The following SGCD variants were observed in gnomAD, a reference collection of about 807,000 sequenced individuals.
SGCD encodes delta-sarcoglycan.
In SGCD, 18 loss-of-function variants were observed where a neutral mutation model predicts 36.6. That is an observed-to-expected ratio of 0.49 (90% CI 0.34 to 0.73). The LOEUF (loss-of-function observed/expected upper bound fraction) is 0.73. Ranked by LOEUF, SGCD falls within the 30% of genes least tolerant of loss-of-function variation. The pLI is 0.01. For missense variants in SGCD, 387 were observed against 346.7 expected (o/e 1.12, Z -0.92); for synonymous variants, 133 against 130.6 (o/e 1.02, Z -0.12).
rs576678258 is a variant in SGCD at position 156,102,150 on chromosome 5, A to AT, written c.-281-15718dup. Among the ~76,000 whole-genome samples, 1,141 of 150,056 alleles carry AT rather than the reference A, an allele frequency of 7.6e-3. 8 individuals are homozygous for AT. Among genetic ancestry groups the AT allele is most frequent in the African/African-American group, 0.025 (1,014 of 41,018 alleles). ...ACAGAAATAAGAATGTTTCTGATTG[A>AT]TTTTTTTTTTATTTTTGTGGCCAGA... On this transcript the variant is annotated intron_variant, in intron 1 of 9. Transcript: ENST00000517913.
At chr5:155,954,482 G>A (rs1482630838) in intron 1 of SGCD, among the ~76,000 whole-genome samples, 1 of 151,284 alleles carries the variant, frequency 6.6e-6, no homozygotes, top group African/African-American at 2.4e-5. Context: ...TTAGCGATCT[G>A]GGCATGGGGT....
At chr5:156,588,345 T>G (rs1013203806) in intron 4 of SGCD, among the ~76,000 whole-genome samples, 1 of 152,062 alleles carries the variant, frequency 6.6e-6, no homozygotes, top group African/African-American at 2.4e-5. Context: ...AAATTAAAAT[T>G]TTATGAAATT....
chr5:156,587,619 A>G lies in SGCD; in HGVS notation c.295-1612A>G, dbSNP rs958123062. On this transcript the variant is annotated intron_variant, in intron 4 of 8. Coordinates refer to ENST00000337851, the MANE Select transcript of SGCD (RefSeq NM_000337.6). ...GTGACTGGACTGGGCTGGCCAATCC[A>G]GTCTGCATCCCCACCAGTTTTAGAA... is the stretch of plus-strand genomic sequence containing the variant. Among the ~76,000 whole-genome samples the G allele has an allele frequency of 3.3e-5, 5 of 152,300 alleles. No individual in the cohort carries two copies. In the East Asian group the frequency reaches 9.7e-4, roughly 29 times the overall value.
At chr5:156,677,722 A>G (rs1013903662) in intron 7 of SGCD, among the ~76,000 whole-genome samples, 1 of 152,118 alleles carries the variant, frequency 6.6e-6, no homozygotes, top group Non-Finnish European at 1.5e-5. Flanking sequence ...AGAAAATTTT[A>G]TATTTGCCTG....
the SGCD span, among the ~76,000 whole-genome samples, chr5:155,855,240 G>A: frequency 2.6e-5 from 4 of 152,104 alleles, no homozygotes; most frequent in Non-Finnish European, 5.9e-5. Context: ...TGACTGGTGG[G>A]AGTTTTTTAA....
chr5:156,553,991 T>C (rs901527814), intron 4 of SGCD, among the ~76,000 whole-genome samples: 1 of 152,178 alleles, frequency 6.6e-6, no homozygotes, highest in Non-Finnish European at 1.5e-5. Flanking sequence ...CCTTAATCCG[T>C]GGTTGTACTT....
chr5:156,329,559 T>C lies in SGCD; in HGVS notation c.-18T>C. On this transcript the variant is annotated 5_prime_UTR_variant, in exon 2 of 9. Transcript: ENST00000337851. ...AGACATTACTGCCGGGAGTGTTGAG[T>C]GAAGGGACCAGGTGGAGATGGTGAG... 1 of 1,613,256 alleles carries C rather than the reference T, an allele frequency of 6.2e-7. No homozygotes were observed. The highest frequency in any genetic ancestry group is 8.5e-7 in the Non-Finnish European group (1 of 1,179,388).
chr5:156,590,338 T>G (rs1222966224), intron 5 of SGCD, among the ~76,000 whole-genome samples: 1 of 152,074 alleles, frequency 6.6e-6, no homozygotes, highest in Non-Finnish European at 1.5e-5. Context: ...TGTCTAGAGA[T>G]TCATAGCCAG....
At chr5:156,073,276 C>G (rs1344592098) in intron 1 of SGCD, among the ~76,000 whole-genome samples, 2 of 152,122 alleles carry the variant, frequency 1.3e-5, no homozygotes, top group Non-Finnish European at 2.9e-5. Flanking sequence ...ATCATACTCT[C>G]TCACCCAGGC....
intron 7 of SGCD, among the ~76,000 whole-genome samples, chr5:156,732,641 A>AT (rs1238110066): frequency 1.3e-5 from 2 of 151,852 alleles, no homozygotes; most frequent in Admixed American, 6.6e-5. Flanking sequence ...TCCCTTCTCA[A>AT]TTTTTTGTCA....
chr5:156,467,015 G>A (rs1754749386), intron 3 of SGCD, among the ~76,000 whole-genome samples: 1 of 152,038 alleles, frequency 6.6e-6, no homozygotes, highest in Admixed American at 6.6e-5. Flanking sequence ...AAACATAGAG[G>A]GCCAGACGGT....
chr5:156,420,643 C>T (rs889223531), intron 3 of SGCD, among the ~76,000 whole-genome samples: 7 of 152,004 alleles, frequency 4.6e-5, no homozygotes, highest in Admixed American at 6.6e-5. Context: ...CTGGGGTGAC[C>T]GTGCTCAGGT....
At chr5:156,393,829 C>G (rs986615144) in intron 3 of SGCD, 2 of 456,264 alleles carry the variant, frequency 4.4e-6, no homozygotes, top group Admixed American at 2.3e-5. Flanking sequence ...GAACCAGGAG[C>G]CAGGTGACTC....
chr5:156,689,560 G>T (rs1026346719), intron 7 of SGCD, among the ~76,000 whole-genome samples: 2 of 152,170 alleles, frequency 1.3e-5, no homozygotes, highest in South Asian at 4.1e-4. Context: ...GATCTCCAAG[G>T]AAAGGGAAGT....
At chr5:156,372,356 A>G (rs766263252) in intron 3 of SGCD, among the ~76,000 whole-genome samples, 7 of 152,200 alleles carry the variant, frequency 4.6e-5, no homozygotes, top group Non-Finnish European at 8.8e-5. Flanking sequence ...ATGTGATGCA[A>G]TAAGAGATGG....
upstream of SGCD, among the ~76,000 whole-genome samples, chr5:156,326,087 G>A (rs987052216): frequency 1.1e-4 from 17 of 152,156 alleles, no homozygotes; most frequent in Admixed American, 1.1e-3. Context: ...CAAAACAAAT[G>A]CTCCTCTCTC....
At chr5:156,369,636 A>G (rs1351725120) in intron 3 of SGCD, among the ~76,000 whole-genome samples, 1 of 152,178 alleles carries the variant, frequency 6.6e-6, no homozygotes, top group Non-Finnish European at 1.5e-5. Context: ...TTCCCTTACT[A>G]GCTTTTAGAG....
At position 156,624,467 on chromosome 5, in the gene SGCD, G is replaced by C. The variant is rs111693404; in HGVS notation, c.503-22997G>C. ...GTGTTAGCGGGCGCCTGTAGTTCCAGCTACTCGGGAGGCTGAAGCAGGAGA... is the reference window on the plus strand; with the variant it reads ...GTGTTAGCGGGCGCCTGTAGTTCCACCTACTCGGGAGGCTGAAGCAGGAGA... On this transcript the variant is annotated intron_variant, in intron 6 of 8. Coordinates refer to ENST00000337851, the MANE Select transcript of SGCD (RefSeq NM_000337.6). Among the ~76,000 whole-genome samples the C allele has an allele frequency of 6.8e-3, 1,042 of 152,224 alleles. 11 individuals carry two copies. The highest frequency in any genetic ancestry group is 0.022 in the African/African-American group (925 of 41,540).
At chr5:155,782,222 G>T in the SGCD span, among the ~76,000 whole-genome samples, 1 of 151,848 alleles carries the variant, frequency 6.6e-6, no homozygotes, top group Non-Finnish European at 1.5e-5. Flanking sequence ...ACAGCGTTTT[G>T]TCATGTTAGC....
Sources: allele counts gnomAD v4.1 joint callset (sites outside exome capture counted in the v4.1 genomes callset), GRCh38; gene constraint gnomAD v4.1.1; transcripts MANE v1.5; gene names NCBI Gene and HGNC (gene_info 2026-07-23, HGNC 2026-07-21).